STXBP5: variants seen among roughly 807,000 people sequenced by gnomAD.
The protein encoded by STXBP5 is syntaxin binding protein 5.
In STXBP5, 50 loss-of-function variants were observed where a neutral mutation model predicts 152.4. The observed-to-expected ratio is 0.33, with a 90% CI of 0.26 to 0.42. STXBP5 has a LOEUF of 0.42. Among genes scored for constraint, STXBP5 ranks in the 10% least tolerant of loss-of-function variants. STXBP5 has a pLI of 1.00. For synonymous variants in STXBP5, 492 were observed against 494.7 expected (o/e 0.99, Z 0.07); for missense variants, 1,167 against 1,388.6 (o/e 0.84, Z 2.54).
intron 9 of STXBP5, among the ~76,000 whole-genome samples, chr6:147,294,999 CTG>C (rs1393465177): frequency 6.6e-6 from 1 of 152,184 alleles, no homozygotes; most frequent in Non-Finnish European, 1.5e-5. Context: ...CACTTACTAA[CTG>C]TATTATCTTT....
At position 147,204,501 on chromosome 6, in the gene STXBP5, C is replaced by G; in HGVS notation, c.-32C>G. On this transcript the variant is annotated 5_prime_UTR_variant, in exon 1 of 28. Coordinates refer to ENST00000321680, the MANE Select transcript of STXBP5 (RefSeq NM_001127715.4). This position sits in a 1 kb window ranked among gnomAD's most constrained non-coding sequence, Gnocchi z 4.3. ...CGCCCGGGGACCCCCTGTGCCTCCC[C>G]TCCCGGGCTGCGGGGGAGCCCCTCC... 6.2e-7 allele frequency: 1 copy of G among 1,607,970 alleles called. No individual in the cohort carries two copies. Among genetic ancestry groups the G allele is most frequent in the Non-Finnish European group, 8.5e-7 (1 of 1,178,096 alleles).
intron 7 of STXBP5, among the ~76,000 whole-genome samples, chr6:147,275,776 C>T (rs1055180580): frequency 3.3e-5 from 5 of 151,892 alleles, no homozygotes; most frequent in Non-Finnish European, 7.4e-5. Flanking sequence ...CCAGGATGGT[C>T]TTGATCTCCT....
At chr6:147,342,053 G>T (rs1316286062) in intron 21 of STXBP5, among the ~76,000 whole-genome samples, 1 of 152,094 alleles carries the variant, frequency 6.6e-6, no homozygotes, top group Non-Finnish European at 1.5e-5. Context: ...CTTAAACACT[G>T]TGCTATGTTA....
intron 8 of STXBP5, among the ~76,000 whole-genome samples, chr6:147,288,613 C>T (rs1781115216): frequency 6.6e-6 from 1 of 152,040 alleles, no homozygotes; most frequent in Non-Finnish European, 1.5e-5. Context: ...CATCGAGGTC[C>T]TCCTGTTACT....
chr6:147,334,245 C>T (rs1783722044), intron 19 of STXBP5, 23 bp downstream of exon 19: 5 of 1,597,964 alleles, frequency 3.1e-6, no homozygotes, highest in Middle Eastern at 3.3e-4. Flanking sequence ...TTTTTTATTT[C>T]ATTAATAATT....
chr6:147,206,124 T>G, intron 2 of STXBP5, 56 bp downstream of exon 2: 2 of 1,474,494 alleles, frequency 1.4e-6, no homozygotes, highest in Non-Finnish European at 1.9e-6. Context: ...CCAGTCCTTC[T>G]GTGTTGCTGA....
intron 2 of STXBP5, among the ~76,000 whole-genome samples, chr6:147,224,034 A>G (rs1329772043): frequency 2.0e-5 from 3 of 152,218 alleles, no homozygotes; most frequent in African/African-American, 7.2e-5. Flanking sequence ...GTCTTGAGTT[A>G]TGGTGTTTTT....
In STXBP5 at chr6:147,359,138, A is replaced by T; in HGVS notation, c.2360A>T (p.Asp787Val). 3 of 1,614,034 alleles carry T rather than the reference A, an allele frequency of 1.9e-6. No homozygotes were observed. Among genetic ancestry groups the T allele is most frequent in the Admixed American group, 1.7e-5 (1 of 59,988 alleles). Reference sequence around the variant, plus strand: ...CGGAGTTCAAGTGTAACAAGCATTGACAAAGAATCCCGAGAAGCGATCTCC... The same window carrying T: ...CGGAGTTCAAGTGTAACAAGCATTGTCAAAGAATCCCGAGAAGCGATCTCC... ...RSRSSSVTSI[D>V]KESREAISAL... is the part of the protein sequence containing the mutation. Residue 787 changes from aspartate (D) to valine (V), a missense_variant, in exon 23 of 28, where the codon GAC becomes GTC. Physicochemically the swap from Asp to Val is radical, Grantham distance 152. Around this residue, in one of 3 missense-constraint regions of STXBP5, gnomAD observed 833 missense variants for 986.3 expected, o/e 0.84. Coordinates refer to ENST00000321680, the MANE Select transcript of STXBP5 (RefSeq NM_001127715.4).
chr6:147,253,029 A>C (rs953241894), intron 4 of STXBP5, among the ~76,000 whole-genome samples: 2 of 152,214 alleles, frequency 1.3e-5, no homozygotes, highest in Non-Finnish European at 2.9e-5. Flanking sequence ...TCAAGACAGC[A>C]TGCCTGATGA....
At chr6:147,251,141 G>C (rs1779069569) in intron 4 of STXBP5, among the ~76,000 whole-genome samples, 1 of 152,172 alleles carries the variant, frequency 6.6e-6, no homozygotes. Flanking sequence ...CAGAGAGTGA[G>C]CCGAAGCAGG....
chr6:147,347,563 A>G lies in STXBP5; in HGVS notation c.2255-5760A>G, dbSNP rs551624832. On this transcript the variant is annotated intron_variant, in intron 21 of 27. Transcript: ENST00000321680. ...ACCAGTTGTAAAACTTATAAATGTG[A>G]AAATAATATAACTAATACAAATCAA... 6.6e-5 allele frequency among the ~76,000 whole-genome samples: 10 copies of G among 152,322 alleles called. No individual in the cohort carries two copies. In the South Asian group the frequency reaches 2.1e-3, roughly 32 times the overall value.
chr6:147,288,212 C>G (rs796611060), intron 8 of STXBP5, among the ~76,000 whole-genome samples: 65 of 152,204 alleles, frequency 4.3e-4, no homozygotes, highest in African/African-American at 1.5e-3. Flanking sequence ...TTTTTGTCTC[C>G]CATATTTGAG....
chr6:147,257,798 A>G (rs891536476), intron 4 of STXBP5, among the ~76,000 whole-genome samples: 4 of 152,198 alleles, frequency 2.6e-5, no homozygotes, highest in African/African-American at 9.7e-5. Flanking sequence ...CTATTTCTGC[A>G]TAGAAGAACA....
rs1484315909 is a variant in STXBP5, at chr6:147,293,301, T to C, written c.917+2129T>C. 3.3e-5 allele frequency: 5 copies of C among 152,244 alleles called. No individual in the cohort carries two copies. In the South Asian group the frequency reaches 1.0e-3, roughly 31 times the overall value. The allele number at this position is 152,244 out of a possible 1,614,324, so 9.4% of individuals were successfully genotyped here. On this transcript the variant is annotated intron_variant, in intron 9 of 27. Coordinates refer to ENST00000321680, the MANE Select transcript of STXBP5 (RefSeq NM_001127715.4). The stretch of plus-strand genomic sequence containing the variant: ...AACTGGATCAGTAAGATCACCATTT[T>C]GTAACAGTGTTCTCTACTTTCTCAA...
At chr6:147,362,178 A>G (rs1431115168) in intron 23 of STXBP5, among the ~76,000 whole-genome samples, 4 of 152,178 alleles carry the variant, frequency 2.6e-5, no homozygotes, top group Non-Finnish European at 1.5e-5. Context: ...CAACCTTACT[A>G]TTGATAAAAC....
chr6:147,358,485 A>G (rs1312651872), intron 22 of STXBP5, among the ~76,000 whole-genome samples: 1 of 152,138 alleles, frequency 6.6e-6, no homozygotes, highest in African/African-American at 2.4e-5. Context: ...ATTAAGAAAA[A>G]GGGAAAATTT....
chr6:147,264,606 C>G (rs1779799231), intron 6 of STXBP5, among the ~76,000 whole-genome samples: 1 of 152,004 alleles, frequency 6.6e-6, no homozygotes, highest in African/African-American at 2.4e-5. Context: ...GAAATGTATT[C>G]ATATTCCACA....
chr6:147,230,984 C>A (rs1777975125), intron 2 of STXBP5, among the ~76,000 whole-genome samples: 1 of 151,540 alleles, frequency 6.6e-6, no homozygotes, highest in South Asian at 2.1e-4. Context: ...TACTTAAAGG[C>A]CTCCCAATTC....
chr6:147,295,778 G>A (rs899256509), intron 9 of STXBP5, among the ~76,000 whole-genome samples: 26 of 152,162 alleles, frequency 1.7e-4, no homozygotes, highest in African/African-American at 6.3e-4. Flanking sequence ...GAGCCTCAAG[G>A]AATTTCCATG....
Sources: gnomAD v4.1 joint callset for allele counts (sites outside exome capture counted in the v4.1 genomes callset) on GRCh38, gnomAD v4.1.1 for gene constraint, gnomAD v4.1.1 regional missense constraint, Gnocchi (gnomAD v3.1) non-coding constraint, MANE v1.5 for transcripts, NCBI Gene and HGNC (gene_info 2026-07-23, HGNC 2026-07-21) for gene names.